DTWD2: variants seen among roughly 807,000 people sequenced by gnomAD.
The protein encoded by DTWD2 is tRNA-uridine aminocarboxypropyltransferase 2.
A neutral mutation model predicts 31.8 loss-of-function variants in DTWD2; 39 were observed. That is an observed-to-expected ratio of 1.22 (90% confidence interval 0.95 to 1.60). The LOEUF (loss-of-function observed/expected upper bound fraction) is 1.60. Among genes scored for constraint, DTWD2 ranks in the 40% most tolerant of loss-of-function variants. DTWD2 has a pLI of 0.00. For synonymous variants in DTWD2, 180 were observed against 142.8 expected, an observed-to-expected ratio of 1.26 and a Z score of -1.86; for missense variants, 515 against 381.5, an observed-to-expected ratio of 1.35 and a Z score of -2.92.
chr5:118,912,764 T>A (rs905155389), intron 4 of DTWD2, among the ~76,000 whole-genome samples: 5 of 152,172 alleles, frequency 3.3e-5, no homozygotes, highest in African/African-American at 1.2e-4. Flanking sequence ...TTTCCCCAGC[T>A]TACTATAAAC....
At chr5:118,875,100 C>A (rs1425177011) in intron 4 of DTWD2, among the ~76,000 whole-genome samples, 1 of 152,078 alleles carries the variant, frequency 6.6e-6, no homozygotes, top group Non-Finnish European at 1.5e-5. Context: ...AATTTCATAA[C>A]TACCAAACTA....
intron 3 of DTWD2, among the ~76,000 whole-genome samples, chr5:118,934,272 T>TAAAAAAA (rs397999089): frequency 2.5e-4 from 6 of 23,562 alleles, no homozygotes; most frequent in African/African-American, 3.3e-4. Flanking sequence ...TTGTCTCCAT[T>TAAAAAAA]AAAAAAAAAA....
chr5:118,898,176 T>C (rs908376076), intron 4 of DTWD2, among the ~76,000 whole-genome samples: 12 of 152,020 alleles, frequency 7.9e-5, no homozygotes. Flanking sequence ...AAAAATTAAA[T>C]CTTAATCCCA....
chr5:118,933,966 GATA>G (rs1401615825), intron 3 of DTWD2, among the ~76,000 whole-genome samples: 1 of 150,726 alleles, frequency 6.6e-6, no homozygotes, highest in Non-Finnish European at 1.5e-5. Context: ...AAGGTCACAA[GATA>G]TAAGGTTAAT....
intron 4 of DTWD2, among the ~76,000 whole-genome samples, chr5:118,920,836 G>A (rs946982872): frequency 6.6e-6 from 1 of 152,100 alleles, no homozygotes; most frequent in Admixed American, 6.5e-5. Context: ...AGCGTTCTTT[G>A]TTTTTTCCAT....
intron 4 of DTWD2, among the ~76,000 whole-genome samples, chr5:118,909,183 C>T (rs1473555882): frequency 6.6e-6 from 1 of 152,176 alleles, no homozygotes; most frequent in Non-Finnish European, 1.5e-5. Context: ...CAGCTAGGAA[C>T]AAAGAAGTGT....
In DTWD2 at chr5:118,839,843, TA is replaced by T. The variant is rs1184726634; in HGVS notation, c.*1073del. ...AAATGATCATGAAAACTGTGAGAAA[TA>T]ATCATTGGTGTATGCTCTATAAATA... is the stretch of plus-strand genomic sequence containing the variant. On this transcript the variant is annotated 3_prime_UTR_variant, in exon 6 of 6. Coordinates refer to ENST00000510708, the MANE Select transcript of DTWD2 (RefSeq NM_173666.4). 2.6e-5 allele frequency: 4 copies of T among 152,194 alleles called. No homozygotes were observed. The highest frequency in any genetic ancestry group is 5.9e-5 in the Non-Finnish European group (4 of 68,032). 9.4% of individuals were successfully genotyped at this position (152,194 alleles called of 1,614,324 possible).
intron 1 of DTWD2, among the ~76,000 whole-genome samples, chr5:118,984,029 G>A (rs867339267): frequency 4.6e-5 from 7 of 152,202 alleles, no homozygotes; most frequent in African/African-American, 1.4e-4. Context: ...GCTCACGCCT[G>A]TAATCCCAGC....
intron 4 of DTWD2, among the ~76,000 whole-genome samples, chr5:118,858,487 G>C (rs557693994): frequency 5.5e-4 from 84 of 152,292 alleles, no homozygotes; most frequent in African/African-American, 1.9e-3. Context: ...ATGTGAGTTA[G>C]AGGTTCTTCA....
chr5:118,932,822 T>C (rs1753956982), intron 3 of DTWD2, among the ~76,000 whole-genome samples: 1 of 151,966 alleles, frequency 6.6e-6, no homozygotes, highest in Admixed American at 6.6e-5. Flanking sequence ...CTGTGGAAAA[T>C]AAACTTCTCT....
At position 118,850,364 on chromosome 5, in the gene DTWD2, G is replaced by C. The variant is rs186857928; in HGVS notation, c.598-2146C>G. On this transcript the variant is annotated intron_variant, in intron 4 of 5. Coordinates refer to ENST00000510708, the MANE Select transcript of DTWD2 (RefSeq NM_173666.4). ...TGTGGTGCATGCGCCTATAATCCCA[G>C]CTACTTGGGAGCCTGAGGCAGGAGA... Among the ~76,000 whole-genome samples, 5 of 142,998 alleles carry C rather than the reference G, an allele frequency of 3.5e-5. No homozygotes were observed. In the East Asian group the frequency reaches 1.0e-3, roughly 29 times the overall value. 93.8% of individuals were successfully genotyped at this position (142,998 alleles called of 152,430 possible).
In DTWD2 at chr5:118,939,204, A is replaced by G; in HGVS notation, c.396T>C (p.Ser132=). 1 of 1,603,852 alleles carries G rather than the reference A, an allele frequency of 6.2e-7. No individual in the cohort carries two copies. The highest frequency in any genetic ancestry group is 8.5e-7 in the Non-Finnish European group (1 of 1,174,684). Residue 132 remains serine, a synonymous_variant, in exon 3 of 6, where the codon AGT becomes AGC. Coordinates refer to ENST00000510708, the MANE Select transcript of DTWD2 (RefSeq NM_173666.4). ...KCKVKIGRRF[S]EERDPELSTV... The stretch of plus-strand genomic sequence containing the variant: ...CCTAACAGTTAATTTACCTTTCTTC[A>G]CTGAAGCGACGACCGATCTTCACTT...
At chr5:118,980,540 G>A (rs188769706) in intron 1 of DTWD2, among the ~76,000 whole-genome samples, 7 of 152,112 alleles carry the variant, frequency 4.6e-5, no homozygotes. Flanking sequence ...ATATGCAAAT[G>A]GCCAAAAAGC....
intron 1 of DTWD2, among the ~76,000 whole-genome samples, chr5:118,968,126 T>G (rs986389405): frequency 2.6e-5 from 4 of 150,960 alleles, no homozygotes; most frequent in Non-Finnish European, 5.9e-5. Flanking sequence ...TGAGAAATCA[T>G]AAGTCAAACC....
chr5:118,988,056 C>T, intron 1 of DTWD2: 1 of 710,518 alleles, frequency 1.4e-6, no homozygotes, highest in Non-Finnish European at 2.5e-6. Flanking sequence ...GATGTCTGCT[C>T]ATCCCATGAT....
At chr5:118,894,237 C>A (rs996715173) in intron 4 of DTWD2, among the ~76,000 whole-genome samples, 2 of 152,104 alleles carry the variant, frequency 1.3e-5, no homozygotes, top group Non-Finnish European at 2.9e-5. Flanking sequence ...AAATGTAAAT[C>A]TGATTAGAAA....
chr5:118,978,493 T>A (rs1022705310), intron 1 of DTWD2, among the ~76,000 whole-genome samples: 1 of 152,162 alleles, frequency 6.6e-6, no homozygotes, highest in African/African-American at 2.4e-5. Flanking sequence ...AAAGGTCTAA[T>A]ATCCAGAGTC....
chr5:118,950,734 GTTC>G (rs1754445825), intron 1 of DTWD2, among the ~76,000 whole-genome samples: 1 of 152,332 alleles, frequency 6.6e-6, no homozygotes, highest in African/African-American at 2.4e-5. Context: ...GCGTTTTGAA[GTTC>G]TTCTGTGCTG....
Position 118,839,077 on chromosome 5 carries a change from G to A in DTWD2, c.*1840C>T, listed in dbSNP as rs1003159466. Reference sequence around the variant, plus strand: ...CTCAGGAGGCTGAGGCAGAAGAATGGCGTGAACCCAGGAGGCAGAGCTTTC... The same window carrying A: ...CTCAGGAGGCTGAGGCAGAAGAATGACGTGAACCCAGGAGGCAGAGCTTTC... On this transcript the variant is annotated 3_prime_UTR_variant, in exon 6 of 6. Coordinates refer to ENST00000510708, the MANE Select transcript of DTWD2 (RefSeq NM_173666.4). 3 of 152,040 alleles carry A rather than the reference G, an allele frequency of 2.0e-5. No individual in the cohort carries two copies. The highest frequency in any genetic ancestry group is 7.2e-5 in the African/African-American group (3 of 41,406). The allele number at this position is 152,040 out of a possible 1,614,324, so 9.4% of individuals were successfully genotyped here.
Sources: allele counts gnomAD v4.1 joint callset (sites outside exome capture counted in the v4.1 genomes callset), GRCh38; gene constraint gnomAD v4.1.1; transcripts MANE v1.5; gene names NCBI Gene and HGNC (gene_info 2026-07-23, HGNC 2026-07-21).